BCAR1: variants seen among roughly 807,000 people sequenced by gnomAD.
BCAR1 encodes breast cancer anti-estrogen resistance protein 1.
In BCAR1, 30 loss-of-function variants were observed where a neutral mutation model predicts 67.6. The observed-to-expected ratio is 0.44, with a 90% CI of 0.33 to 0.60. The LOEUF (loss-of-function observed/expected upper bound fraction) is 0.60. Ranked by LOEUF, BCAR1 falls within the 20% of genes least tolerant of loss-of-function variation. The pLI, the probability that BCAR1 is intolerant of heterozygous loss-of-function variation, is 0.02. For synonymous variants in BCAR1, 626 were observed against 556.7 expected (o/e 1.12, Z -1.75); for missense variants, 1,313 against 1,222.3 (o/e 1.07, Z -1.11).
intron 1 of BCAR1, chr16:75,263,702 C>T (rs759467516): frequency 2.6e-4 from 261 of 985,528 alleles, no homozygotes; most frequent in Non-Finnish European, 3.0e-4. Flanking sequence ...GTGCCTGCTG[C>T]GTCAGCCCAT....
At chr16:75,249,752 C>T (rs1462538428) in intron 1 of BCAR1, 1 of 152,258 alleles carries the variant, frequency 6.6e-6, no homozygotes, top group Non-Finnish European at 1.5e-5. Context: ...GAGAGGGCCG[C>T]AAAGGCACAG....
chr16:75,245,964 C>CTTTTTTTTTTTTTTTTTTTT lies in BCAR1; in HGVS notation c.13-2894_13-2875dup, dbSNP rs60320561. ...ACAGCCCTCATTTCATAGGATTGTT[C>CTTTTTTTTTTTTTTTTTTTT]TTTTTTTTTTTTTTTTTTTTTTTTT... On this transcript the variant is annotated intron_variant, in intron 1 of 6. Coordinates refer to ENST00000162330, the MANE Select transcript of BCAR1 (RefSeq NM_014567.5). 16 of 49,638 alleles carry CTTTTTTTTTTTTTTTTTTTT rather than the reference C, an allele frequency of 3.2e-4. 5 individuals are homozygous for CTTTTTTTTTTTTTTTTTTTT. Among genetic ancestry groups the CTTTTTTTTTTTTTTTTTTTT allele is most frequent in the African/African-American group, 4.6e-4 (6 of 13,148 alleles). 3.1% of individuals were successfully genotyped at this position (49,638 alleles called of 1,614,324 possible).
chr16:75,235,123 C>T lies in BCAR1; in HGVS notation c.1776G>A (p.Gln592=). 1 of 1,610,638 alleles carries T rather than the reference C, an allele frequency of 6.2e-7. No homozygotes were observed. Among genetic ancestry groups the T allele is most frequent in the South Asian group, 1.1e-5 (1 of 91,090 alleles). The part of the protein sequence containing the change: ...CSRAVPEDAK[Q]LASFLHGNAS... ...CATTGCCGTGCAGGAAGGAGGCCAG[C>T]TGCTTGGCGTCCTCGGGCACAGCCC... Residue 592 remains glutamine, a synonymous_variant, in exon 5 of 7, where the codon CAG becomes CAA. Transcript: ENST00000162330.
In BCAR1 at chr16:75,237,261, G is replaced by A. The variant is rs779244731; in HGVS notation, c.717C>T (p.His239=). 7 of 1,527,400 alleles carry A rather than the reference G, an allele frequency of 4.6e-6. No homozygotes were observed. The highest frequency in any genetic ancestry group is 2.4e-5 in the East Asian group (1 of 41,262). The allele number at this position is 1,527,400 out of a possible 1,614,324, so 94.6% of individuals were successfully genotyped here. A position where few individuals can be genotyped will look rare whatever the true frequency, so the allele number is the denominator to read the frequency against. Residue 239 remains histidine (H), a synonymous_variant, in exon 3 of 7, where the codon CAC becomes CAT. Coordinates refer to ENST00000162330, the MANE Select transcript of BCAR1 (RefSeq NM_014567.5). ...PEQDEYDIPR[H]LLAPGPQDIY... is the part of the protein sequence containing the mutation. The stretch of plus-strand genomic sequence containing the variant: ...TGTCCTGTGGCCCCGGGGCCAGCAG[G>A]TGTCGCGGGATGTCGTACTCGTCCT...
At chr16:75,259,850 T>TAAA (rs144448216) in intron 1 of BCAR1, among the ~76,000 whole-genome samples, 14 of 73,448 alleles carry the variant, frequency 1.9e-4, no homozygotes, top group African/African-American at 5.3e-4. Context: ...AGACTCCATC[T>TAAA]AAAAAAAAAA....
At position 75,242,573 on chromosome 16, in the gene BCAR1, T is replaced by G; in HGVS notation, c.530A>C (p.Asp177Ala). 1 of 1,493,744 alleles carries G rather than the reference T, an allele frequency of 6.7e-7. No homozygotes were observed. The highest frequency in any genetic ancestry group is 1.4e-5 in the South Asian group (1 of 71,574). 92.5% of individuals were successfully genotyped at this position (1,493,744 alleles called of 1,614,324 possible). ...VPPGPGGPAQ[D>A]IYQVPPSAGM... The stretch of plus-strand genomic sequence containing the variant: ...GGCAGAAGGTGGCACCTGGTAAATA[T>G]CCTGGGCAGGGCCTCCAGGCCCTGG... The change falls in exon 2 of 7, where the codon GAT becomes GCT. Residue 177 changes from aspartate to alanine, a missense_variant. Asp to Ala is a moderately radical substitution (Grantham distance 126). This residue lies in a region of BCAR1 where 1,272 missense variants were observed against 1,137.5 expected (regional missense o/e 1.12). Transcript: ENST00000162330.
intron 1 of BCAR1, among the ~76,000 whole-genome samples, chr16:75,259,580 C>T (rs991526728): frequency 2.6e-5 from 4 of 152,150 alleles, no homozygotes; most frequent in Admixed American, 1.3e-4. Context: ...TGGCCGGGCG[C>T]GGTGGCTCAC....
upstream of BCAR1, chr16:75,251,757 G>A (rs975083497): frequency 6.8e-6 from 6 of 885,200 alleles, no homozygotes; most frequent in African/African-American, 9.1e-5. Flanking sequence ...CGCGCAGACA[G>A]AAGCCCGCCC....
chr16:75,267,394 C>CG (rs66513768), intron 1 of BCAR1, among the ~76,000 whole-genome samples: 14,573 of 123,190 alleles, frequency 0.12, 998 homozygotes, highest in Middle Eastern at 0.15. Flanking sequence ...CACAGCAAGC[C>CG]GGGGGGGGGG....
Position 75,236,855 on chromosome 16 carries a change from C to T in BCAR1, c.912+27G>A, listed in dbSNP as rs1361412208. The T allele has an allele frequency of 3.7e-6, 6 of 1,607,392 alleles. No individual in the cohort carries two copies. The South Asian group carries it at 4.5e-5, about 12-fold the overall frequency. On this transcript the variant is annotated intron_variant, in intron 4 of 6. Transcript: ENST00000162330. ...AGACACCCCACAGCCTCAGCCTGGC[C>T]CTGGCATTGCCCTGGCATTTGCTCA...
intron 6 of BCAR1, 132 bp downstream of exon 6, chr16:75,233,714 G>C (rs566014265): frequency 1.5e-5 from 13 of 869,182 alleles, no homozygotes; most frequent in African/African-American, 1.4e-4. Flanking sequence ...GGGGTGGCAG[G>C]CCGGGCCCAG....
intron 2 of BCAR1, among the ~76,000 whole-genome samples, chr16:75,240,649 T>C (rs1403514107): frequency 6.6e-6 from 1 of 152,262 alleles, no homozygotes; most frequent in Non-Finnish European, 1.5e-5. Context: ...ATGCATTTTC[T>C]ACAGCAAACA....
rs79668773 is a variant in BCAR1 at position 75,234,252 on chromosome 16, C to T, written c.2011-317G>A. ...CACAGCCCCCCCAGGCTGGCACATG[C>T]GGGGACACACAGAGAAGGTGGCTTC... is the stretch of plus-strand genomic sequence containing the variant. On this transcript the variant is annotated intron_variant, in intron 5 of 6. Transcript: ENST00000162330. 3.8e-3 allele frequency among the ~76,000 whole-genome samples: 578 copies of T among 151,878 alleles called. 4 individuals are homozygous for T. The highest frequency in any genetic ancestry group is 9.5e-3 in the African/African-American group (394 of 41,386).
intron 1 of BCAR1, among the ~76,000 whole-genome samples, chr16:75,243,864 T>C (rs1336098778): frequency 1.3e-5 from 2 of 151,990 alleles, no homozygotes; most frequent in Non-Finnish European, 1.5e-5. Flanking sequence ...CACCACACAC[T>C]CATGCATCCT....
intron 1 of BCAR1, chr16:75,265,932 G>T: frequency 9.1e-7 from 1 of 1,095,624 alleles, no homozygotes. Context: ...GAGGGGTCCC[G>T]GCGCTTTCCG....
chr16:75,233,989 C>G, intron 5 of BCAR1, 54 bp from the exon 6 acceptor site: 2 of 1,526,070 alleles, frequency 1.3e-6, no homozygotes. Flanking sequence ...GCCAGAAGCA[C>G]AGGCCAGCCC....
chr16:75,238,839 G>A, intron 2 of BCAR1: 2 of 985,436 alleles, frequency 2.0e-6, no homozygotes, highest in Non-Finnish European at 2.4e-6. Context: ...GTGGCAGGTT[G>A]GCTGGGCCTC....
At position 75,232,458 on chromosome 16, in the gene BCAR1, C is replaced by T. The variant is rs555721714; in HGVS notation, c.2100+1388G>A. Among the ~76,000 whole-genome samples, 54 of 152,252 alleles carry T rather than the reference C, an allele frequency of 3.5e-4. 1 individual carries two copies. The South Asian group carries it at 6.8e-3, about 19-fold the overall frequency. ...TACAAGTGTGAGCCACTGTGCCTGG[C>T]CACAATTTGTATTAATGTATACAGA... is the stretch of plus-strand genomic sequence containing the variant. On this transcript the variant is annotated intron_variant, in intron 6 of 6. Transcript: ENST00000162330.
In BCAR1 at chr16:75,235,705, C is replaced by T. The variant is rs1197838431; in HGVS notation, c.1194G>A (p.Glu398=). The T allele has an allele frequency of 6.2e-7, 1 of 1,610,828 alleles. No individual in the cohort carries two copies. Among genetic ancestry groups the T allele is most frequent in the Non-Finnish European group, 8.5e-7 (1 of 1,178,590 alleles). ...DVPRERVLPP[E]VADGGVVDSG... ...TGTCGACCACGCCACCATCAGCCAC[C>T]TCAGGAGGAAGCACCCGTTCACGGG... The change falls in exon 5 of 7, where the codon GAG becomes GAA. Residue 398 remains glutamate, a synonymous_variant. Coordinates refer to ENST00000162330, the MANE Select transcript of BCAR1 (RefSeq NM_014567.5).
Sources: gnomAD v4.1 joint callset for allele counts (sites outside exome capture counted in the v4.1 genomes callset) on GRCh38, gnomAD v4.1.1 for gene constraint, gnomAD v4.1.1 regional missense constraint, MANE v1.5 for transcripts, NCBI Gene and HGNC (gene_info 2026-07-23, HGNC 2026-07-21) for gene names.